Variants in EHD1 observed in about 807,000 individuals in gnomAD.
EHD1 encodes EH domain-containing protein 1.
EHD1 carries 19 observed loss-of-function variants against 39.0 expected under a neutral mutation model. That is an observed-to-expected ratio of 0.49 (90% CI 0.34 to 0.72). The LOEUF (loss-of-function observed/expected upper bound fraction) is 0.72, where lower values mean the gene tolerates loss of function less well. EHD1 is among the 30% of genes least tolerant of loss of function. The pLI is 0.01. For synonymous variants in EHD1, 323 were observed against 331.2 expected (o/e 0.98, Z 0.27); for missense variants, 542 against 751.5 (o/e 0.72, Z 3.26).
At chr11:64,878,797 C>G (rs1358224191), upstream of EHD1, 1 of 1,200,058 alleles carries the variant, frequency 8.3e-7, no homozygotes, top group South Asian at 3.0e-5. Context: ...GATTCCAAAT[C>G]TCGCGAGGCT....
rs1374075712 is a variant in EHD1, at chr11:64,852,640, ACT to A, written c.*1691_*1692del. On this transcript the variant is annotated 3_prime_UTR_variant, in exon 5 of 5. Coordinates refer to ENST00000320631, the MANE Select transcript of EHD1 (RefSeq NM_006795.4). ...GTCACCTTGCCCCGGCTGCCTTGCC[ACT>A]CTGTCCCTGCTGGCATCACCCCCTC... 2.6e-5 allele frequency: 4 copies of A among 152,388 alleles called. No individual in the cohort carries two copies. 9.4% of individuals were successfully genotyped at this position (152,388 alleles called of 1,614,324 possible).
intron 2 of EHD1, among the ~76,000 whole-genome samples, chr11:64,867,988 G>C (rs1357111217): frequency 2.6e-5 from 4 of 152,152 alleles, no homozygotes; most frequent in Non-Finnish European, 5.9e-5. Context: ...GGCCTTACAG[G>C]GTCTGCCTTC....
chr11:64,861,019 CAA>C (rs34278325), intron 2 of EHD1, among the ~76,000 whole-genome samples: 3 of 112,374 alleles, frequency 2.7e-5, no homozygotes, highest in Admixed American at 9.4e-5. Flanking sequence ...GACTCCATCT[CAA>C]AAAAAAAAAA....
intron 3 of EHD1, chr11:64,856,550 A>C (rs1943655521): frequency 6.6e-6 from 1 of 152,244 alleles, no homozygotes; most frequent in African/African-American, 2.4e-5. Flanking sequence ...GGCCTTGCCA[A>C]GTCGTGTCCA....
In EHD1 at chr11:64,869,076, A is replaced by G. The variant is rs535047129; in HGVS notation, c.502+5345T>C. On this transcript the variant is annotated intron_variant, in intron 2 of 4. Coordinates refer to ENST00000320631, the MANE Select transcript of EHD1 (RefSeq NM_006795.4). ...CAGGATTTGTATTTTGGGCTTAAGA[A>G]GCTCAGATTCTGATGGGTGTGTAGG... Among the ~76,000 whole-genome samples the G allele has an allele frequency of 3.6e-4, 55 of 152,364 alleles. 1 individual carries two copies. Among genetic ancestry groups the G allele is most frequent in the African/African-American group, 1.3e-3 (54 of 41,582 alleles).
In EHD1 at chr11:64,872,497, C is replaced by T. The variant is rs73496391; in HGVS notation, c.502+1924G>A. On this transcript the variant is annotated intron_variant, in intron 2 of 4. Transcript: ENST00000320631. ...AGAGTAACTTAATCAGATTTTCTGACCTTGCTTTGGCAAATGACAGGGCTT... is the reference window on the plus strand; with the variant it reads ...AGAGTAACTTAATCAGATTTTCTGATCTTGCTTTGGCAAATGACAGGGCTT... Among the ~76,000 whole-genome samples, 1,384 of 152,238 alleles carry T rather than the reference C, an allele frequency of 9.1e-3. 21 individuals carry two copies. The highest frequency in any genetic ancestry group is 0.032 in the African/African-American group (1,309 of 41,548).
Position 64,878,238 on chromosome 11 carries a change from C to G in EHD1, c.227G>C (p.Arg76Pro). Residue 76 changes from arginine to proline, a missense_variant, in exon 1 of 5, where the codon CGA becomes CCA. Arg to Pro is a moderately radical substitution (Grantham distance 103, BLOSUM62 -2). Coordinates refer to ENST00000320631, the MANE Select transcript of EHD1 (RefSeq NM_006795.4). Reference sequence around the variant, plus strand: ...CGGGAAGTCCTGCTCGATCAGGTGTCGGATGAAGGTGGTCTTGCCCGTGCT... The same window carrying G: ...CGGGAAGTCCTGCTCGATCAGGTGTGGGATGAAGGTGGTCTTGCCCGTGCT... ...QYSTGKTTFI[R>P]HLIEQDFPGM... 3 of 1,613,828 alleles carry G rather than the reference C, an allele frequency of 1.9e-6. No individual in the cohort carries two copies. The highest frequency in any genetic ancestry group is 2.5e-6 in the Non-Finnish European group (3 of 1,179,796).
At chr11:64,877,681 T>C (rs1592756470) in intron 1 of EHD1, 2 of 212,010 alleles carry the variant, frequency 9.4e-6, no homozygotes, top group East Asian at 2.0e-4. Flanking sequence ...GAGGGGAGGG[T>C]TGATTTCCGT....
At chr11:64,854,953 G>A (rs1943632914) in intron 4 of EHD1, 96 bp from the exon 5 acceptor site, 2 of 1,467,362 alleles carry the variant, frequency 1.4e-6, no homozygotes, top group Non-Finnish European at 1.8e-6. Flanking sequence ...AGCATAAAGT[G>A]CTGCTCCCCC....
rs1943798091 is a variant in EHD1, at chr11:64,868,972, C to T, written c.502+5449G>A. ...TCTGTAACACGAAGATAGTAGGTTTCCAGCTTGGAGGGCCGCGGGAGGATG... is the reference window on the plus strand; with the variant it reads ...TCTGTAACACGAAGATAGTAGGTTTTCAGCTTGGAGGGCCGCGGGAGGATG... On this transcript the variant is annotated intron_variant, in intron 2 of 4. Coordinates refer to ENST00000320631, the MANE Select transcript of EHD1 (RefSeq NM_006795.4). This position sits in a 1 kb window ranked among gnomAD's most constrained non-coding sequence, Gnocchi z 4.2. Among the ~76,000 whole-genome samples, 1 of 152,188 alleles carries T rather than the reference C, an allele frequency of 6.6e-6. No individual in the cohort carries two copies. Among genetic ancestry groups the T allele is most frequent in the South Asian group, 2.1e-4 (1 of 4,828 alleles).
intron 2 of EHD1, among the ~76,000 whole-genome samples, chr11:64,866,736 G>A (rs566247329): frequency 2.6e-5 from 4 of 151,898 alleles, no homozygotes; most frequent in Admixed American, 6.6e-5. Context: ...TATTACCTGG[G>A]TGATGAAATA....
rs1031730553 is a variant in EHD1 at position 64,853,298 on chromosome 11, G to A, written c.*1035C>T. 2.6e-5 allele frequency: 4 copies of A among 152,332 alleles called. No homozygotes were observed. Among genetic ancestry groups the A allele is most frequent in the Non-Finnish European group, 5.9e-5 (4 of 68,108 alleles). 9.4% of individuals were successfully genotyped at this position (152,332 alleles called of 1,614,324 possible). ...CCCGCTGTCTGGACATGAGAGCCTA[G>A]CCAGAACCACGGGCTTCCTCTTACC... On this transcript the variant is annotated 3_prime_UTR_variant, in exon 5 of 5. Transcript: ENST00000320631.
At chr11:64,855,209 C>T (rs563121336) in intron 4 of EHD1, 113 bp downstream of exon 4, 199 of 1,435,642 alleles carry the variant, frequency 1.4e-4, no homozygotes, top group Middle Eastern at 2.5e-4. Flanking sequence ...CAGCTGCTTC[C>T]GTTCAGGGAG....
intron 2 of EHD1, among the ~76,000 whole-genome samples, chr11:64,874,168 G>T (rs1943860175): frequency 6.6e-6 from 1 of 151,554 alleles, no homozygotes; most frequent in African/African-American, 2.4e-5. Context: ...GCCGGGCGTG[G>T]TGGCACATGC....
intron 1 of EHD1, 69 bp downstream of exon 1, chr11:64,877,992 A>G: frequency 7.1e-7 from 1 of 1,405,548 alleles, no homozygotes; most frequent in East Asian, 2.6e-5. Context: ...CAGCCACGGG[A>G]GGGTCAGGCT....
intron 2 of EHD1, among the ~76,000 whole-genome samples, chr11:64,865,005 G>A (rs1194358753): frequency 6.6e-6 from 1 of 152,258 alleles, no homozygotes; most frequent in African/African-American, 2.4e-5. Context: ...TGCCCCACCT[G>A]CTCTGAAACC....
intron 2 of EHD1, among the ~76,000 whole-genome samples, chr11:64,864,135 G>A (rs1472872397): frequency 6.6e-6 from 1 of 152,234 alleles, no homozygotes; most frequent in Admixed American, 6.5e-5. Context: ...AGCTCAACAG[G>A]AAATAGGGCA....
At position 64,855,733 on chromosome 11, in the gene EHD1, A is replaced by G. The variant is rs572430766; in HGVS notation, c.916-247T>C. The G allele has an allele frequency of 1.8e-4, 98 of 532,148 alleles. No homozygotes were observed. In the Middle Eastern group the frequency reaches 3.6e-3, roughly 20 times the overall value. The allele number at this position is 532,148 out of a possible 1,614,324, so 33.0% of individuals were successfully genotyped here. ...GACAGGACAGGAAAACGCACTTGAA[A>G]CAGAAGACAACAGCCTTGGCCTTGC... is the stretch of plus-strand genomic sequence containing the variant. On this transcript the variant is annotated intron_variant, in intron 3 of 4. Coordinates refer to ENST00000320631, the MANE Select transcript of EHD1 (RefSeq NM_006795.4).
intron 2 of EHD1, among the ~76,000 whole-genome samples, chr11:64,866,124 G>C (rs1943764280): frequency 6.6e-6 from 1 of 152,132 alleles, no homozygotes; most frequent in African/African-American, 2.4e-5. Flanking sequence ...ATCAACAGTA[G>C]ACTGGATAAA....
Sources: gnomAD v4.1 joint callset for allele counts (sites outside exome capture counted in the v4.1 genomes callset) on GRCh38, gnomAD v4.1.1 for gene constraint, Gnocchi (gnomAD v3.1) non-coding constraint, MANE v1.5 for transcripts, NCBI Gene and HGNC (gene_info 2026-07-23, HGNC 2026-07-21) for gene names.